The following UST variants were observed in gnomAD, a reference collection of about 807,000 sequenced individuals.
The protein encoded by UST is chondroitin sulfate 2-O-sulfotransferase.
In UST, 21 loss-of-function variants were observed where a neutral mutation model predicts 45.6. The ratio of observed to expected loss-of-function variants is 0.46; its 90% CI spans 0.33 to 0.66. The LOEUF is 0.66. Ranked by LOEUF, UST falls within the 30% of genes least tolerant of loss-of-function variation. The pLI, the probability that UST is intolerant of heterozygous loss-of-function variation, is 0.02. For missense variants in UST, 463 were observed against 512.4 expected, an observed-to-expected ratio of 0.90 and a Z score of 0.93; for synonymous variants, 215 against 200.6, an observed-to-expected ratio of 1.07 and a Z score of -0.61.
chr6:148,947,145 C>T (rs1780261579), intron 3 of UST, among the ~76,000 whole-genome samples: 1 of 152,036 alleles, frequency 6.6e-6, no homozygotes, highest in Non-Finnish European at 1.5e-5. Context: ...TGCTGGGCTT[C>T]GGAGTTGGAA....
At chr6:149,056,864 T>G (rs1485268552) in intron 7 of UST, among the ~76,000 whole-genome samples, 1 of 152,248 alleles carries the variant, frequency 6.6e-6, no homozygotes, top group Non-Finnish European at 1.5e-5. Context: ...CCTATTAACC[T>G]AACTTCTTAA....
chr6:148,771,722 A>G (rs955914746), intron 1 of UST, among the ~76,000 whole-genome samples: 3 of 152,236 alleles, frequency 2.0e-5, no homozygotes, highest in African/African-American at 7.2e-5. Flanking sequence ...GAACTTACAC[A>G]TGGTCTAGAA....
rs1778852772 is a variant in UST at position 148,883,045 on chromosome 6, C to T, written c.248-3941C>T. On this transcript the variant is annotated intron_variant, in intron 1 of 7. Transcript: ENST00000367463. ...TTTTGTCATGCGTATCCGCGCATCTCAATTTTGAGGTAATGCTTAACTCTA... is the reference window on the plus strand; with the variant it reads ...TTTTGTCATGCGTATCCGCGCATCTTAATTTTGAGGTAATGCTTAACTCTA... Among the ~76,000 whole-genome samples the T allele has an allele frequency of 2.0e-5, 3 of 152,194 alleles. 1 individual carries two copies. Among genetic ancestry groups the T allele is most frequent in the African/African-American group, 7.2e-5 (3 of 41,438 alleles).
intron 2 of UST, among the ~76,000 whole-genome samples, chr6:148,921,747 C>T (rs930056205): frequency 6.6e-6 from 1 of 152,166 alleles, no homozygotes; most frequent in Non-Finnish European, 1.5e-5. Context: ...AGGAAGGGGA[C>T]AGAGGCCCTT....
At chr6:148,839,049 C>T (rs1220600021) in intron 1 of UST, among the ~76,000 whole-genome samples, 1 of 152,184 alleles carries the variant, frequency 6.6e-6, no homozygotes, top group Non-Finnish European at 1.5e-5. Flanking sequence ...AGACCAAGCA[C>T]TCCTCAAACT....
chr6:149,059,246 T>A (rs1444819702), intron 7 of UST, among the ~76,000 whole-genome samples: 2 of 152,192 alleles, frequency 1.3e-5, no homozygotes, highest in Non-Finnish European at 2.9e-5. Flanking sequence ...CATTAGGATC[T>A]GAGGGTGAGG....
rs1298316914 is a variant in UST, at chr6:148,747,584, A to G, written c.154A>G (p.Met52Val). 6.3e-7 allele frequency: 1 copy of G among 1,593,090 alleles called. No homozygotes were observed. The highest frequency in any genetic ancestry group is 8.5e-7 in the Non-Finnish European group (1 of 1,171,312). Residue 52 changes from methionine (M) to valine (V), a missense_variant, in exon 1 of 8, where the codon ATG becomes GTG. This residue lies in a region of UST where 176 missense variants were observed against 138.3 expected (regional missense o/e 1.27). Coordinates refer to ENST00000367463, the MANE Select transcript of UST (RefSeq NM_005715.3). ...CTCCCTCCGGGACTACGGCTTCTGC[A>G]TGGCCACCCTGCTGGTCTTCTGCCT... ...RFSLRDYGFC[M>V]ATLLVFCLGS...
At position 148,790,971 on chromosome 6, in the gene UST, C is replaced by T. The variant is rs1406186136; in HGVS notation, c.247+43294C>T. 6.6e-6 allele frequency among the ~76,000 whole-genome samples: 1 copy of T among 152,226 alleles called. No individual in the cohort carries two copies. The highest frequency in any genetic ancestry group is 2.4e-5 in the African/African-American group (1 of 41,454). On this transcript the variant is annotated intron_variant, in intron 1 of 7. Coordinates refer to ENST00000367463, the MANE Select transcript of UST (RefSeq NM_005715.3). The surrounding 1 kb of genome is among the most constrained non-coding windows in gnomAD (Gnocchi z 4.2). ...GATCTGCGCAACAGTTAAAGGTGCA[C>T]GCGTTAGTGAAACCTCGCAACACAT... is the stretch of plus-strand genomic sequence containing the variant.
At chr6:148,858,875 C>T (rs965053694) in intron 1 of UST, among the ~76,000 whole-genome samples, 1 of 152,212 alleles carries the variant, frequency 6.6e-6, no homozygotes, top group South Asian at 2.1e-4. Context: ...ATATGTGCCA[C>T]ATTTTTTTAA....
At chr6:148,896,075 T>G (rs1779124037) in intron 2 of UST, among the ~76,000 whole-genome samples, 1 of 152,226 alleles carries the variant, frequency 6.6e-6, no homozygotes, top group African/African-American at 2.4e-5. Context: ...TAGAAGGTAT[T>G]GGGAGTACAA....
chr6:149,046,253 T>G (rs1182531643), intron 7 of UST, among the ~76,000 whole-genome samples: 1 of 152,220 alleles, frequency 6.6e-6, no homozygotes, highest in Non-Finnish European at 1.5e-5. Context: ...AGAGGCTTCT[T>G]TCTGTTGGGA....
chr6:149,044,555 C>T (rs1432619239), intron 7 of UST, among the ~76,000 whole-genome samples: 4 of 152,084 alleles, frequency 2.6e-5, no homozygotes, highest in African/African-American at 7.2e-5. Context: ...GGATGACGGT[C>T]GGTGGGAATG....
At chr6:149,010,895 CAAAAAA>C (rs1172538648) in intron 5 of UST, among the ~76,000 whole-genome samples, 5 of 65,620 alleles carry the variant, frequency 7.6e-5, no homozygotes, top group Admixed American at 1.8e-4. Context: ...CCGTCTCAAC[CAAAAAA>C]AAAAAAAAAA....
chr6:148,864,472 C>T (rs1778386391), intron 1 of UST, among the ~76,000 whole-genome samples: 1 of 152,260 alleles, frequency 6.6e-6, no homozygotes, highest in South Asian at 2.1e-4. Flanking sequence ...GATGCCCCGC[C>T]CTGCTTCGGC....
intron 1 of UST, among the ~76,000 whole-genome samples, chr6:148,766,032 T>G (rs1196259884): frequency 3.3e-5 from 5 of 152,196 alleles, no homozygotes; most frequent in Admixed American, 1.3e-4. Context: ...CTTTGATGCC[T>G]AGTTTGTTGA....
chr6:149,035,726 A>G (rs190613980), intron 7 of UST, among the ~76,000 whole-genome samples: 1 of 151,996 alleles, frequency 6.6e-6, no homozygotes, highest in East Asian at 1.9e-4. Flanking sequence ...AGATTGTGCC[A>G]CTGCGCTTCA....
At chr6:148,793,900 G>A (rs1440067967) in intron 1 of UST, among the ~76,000 whole-genome samples, 1 of 152,124 alleles carries the variant, frequency 6.6e-6, no homozygotes. Flanking sequence ...ATGGACTTTT[G>A]GGTTGTCTCT....
intron 5 of UST, among the ~76,000 whole-genome samples, chr6:148,975,473 C>T (rs534918310): frequency 3.4e-4 from 52 of 152,294 alleles, no homozygotes; most frequent in African/African-American, 1.2e-3. Context: ...AACCTGTCTC[C>T]AGTTCATCTT....
intron 1 of UST, among the ~76,000 whole-genome samples, chr6:148,862,022 G>A (rs568679028): frequency 6.6e-6 from 1 of 152,312 alleles, no homozygotes; most frequent in African/African-American, 2.4e-5. Flanking sequence ...TCTGCTTGGT[G>A]CAGAACTGAG....
Sources: allele counts gnomAD v4.1 joint callset (sites outside exome capture counted in the v4.1 genomes callset), GRCh38; gene constraint gnomAD v4.1.1; regional missense constraint gnomAD v4.1.1; non-coding constraint Gnocchi (gnomAD v3.1); transcripts MANE v1.5; gene names NCBI Gene and HGNC (gene_info 2026-07-23, HGNC 2026-07-21).